The following ST7 variants were observed in gnomAD, a reference collection of about 807,000 sequenced individuals.
ST7 encodes the protein suppressor of tumorigenicity 7 protein.
A neutral mutation model predicts 78.7 loss-of-function variants in ST7; 28 were observed. The ratio of observed to expected loss-of-function variants is 0.36; its 90% confidence interval spans 0.26 to 0.49. The LOEUF is 0.49. Ranked by LOEUF, ST7 falls within the 20% of genes least tolerant of loss-of-function variation. ST7 has a pLI of 0.99. For synonymous variants in ST7, 247 were observed against 249.6 expected (o/e 0.99, Z 0.10); for missense variants, 418 against 696.0 (o/e 0.60, Z 4.49).
intron 1 of ST7, among the ~76,000 whole-genome samples, chr7:117,047,071 G>A (rs957752997): frequency 2.6e-5 from 4 of 152,134 alleles, no homozygotes; most frequent in African/African-American, 9.7e-5. Context: ...GTTAGTATTT[G>A]TACTACATGG....
chr7:117,189,483 G>C, intron 11 of ST7, 90 bp downstream of exon 11: 3 of 964,590 alleles, frequency 3.1e-6, no homozygotes, highest in Non-Finnish European at 4.5e-6. Context: ...TTTCTCTTAG[G>C]CTATGAGACC....
intron 13 of ST7, among the ~76,000 whole-genome samples, chr7:117,210,813 G>A (rs1734615865): frequency 6.6e-6 from 1 of 152,192 alleles, no homozygotes; most frequent in African/African-American, 2.4e-5. Flanking sequence ...GACAACAAGT[G>A]CATTGACATT....
intron 1 of ST7, among the ~76,000 whole-genome samples, chr7:116,993,215 G>T (rs188334088): frequency 6.6e-6 from 1 of 152,172 alleles, no homozygotes; most frequent in Admixed American, 6.5e-5. Context: ...ACAATGTACT[G>T]TATTAGTTTG....
At chr7:116,964,999 A>G (rs893103485) in intron 1 of ST7, among the ~76,000 whole-genome samples, 3 of 152,226 alleles carry the variant, frequency 2.0e-5, no homozygotes, top group Non-Finnish European at 2.9e-5. Flanking sequence ...ACATAACATC[A>G]ATTAAGTTAG....
intron 1 of ST7, among the ~76,000 whole-genome samples, chr7:117,097,906 A>ATTTTTTTTT (rs1353568782): frequency 2.3e-4 from 7 of 30,952 alleles, no homozygotes; most frequent in African/African-American, 9.5e-4. Flanking sequence ...ATATATATAT[A>ATTTTTTTTT]TATTTTTTTT....
chr7:117,100,849 A>G (rs1234351152), intron 2 of ST7, among the ~76,000 whole-genome samples: 4 of 152,190 alleles, frequency 2.6e-5, no homozygotes, highest in Non-Finnish European at 5.9e-5. Flanking sequence ...AAGGTTTTAG[A>G]AAAGCTTTTT....
At chr7:116,990,476 A>T (rs1562996573) in intron 1 of ST7, among the ~76,000 whole-genome samples, 2 of 152,170 alleles carry the variant, frequency 1.3e-5, no homozygotes, top group Non-Finnish European at 2.9e-5. Context: ...ACAACATTTT[A>T]AAAAATGTTA....
chr7:117,053,378 G>T (rs1293208743), intron 1 of ST7, among the ~76,000 whole-genome samples: 1 of 152,212 alleles, frequency 6.6e-6, no homozygotes, highest in Non-Finnish European at 1.5e-5. Flanking sequence ...GTTAAACACG[G>T]ACTACTCTTG....
intron 1 of ST7, among the ~76,000 whole-genome samples, chr7:117,092,467 A>G (rs190253914): frequency 7.9e-4 from 121 of 152,282 alleles, no homozygotes; most frequent in African/African-American, 2.8e-3. Flanking sequence ...TGAAATTAGC[A>G]GGAGTGTAAA....
chr7:116,992,932 C>G (rs141302327), intron 1 of ST7, among the ~76,000 whole-genome samples: 1 of 152,226 alleles, frequency 6.6e-6, no homozygotes, highest in Non-Finnish European at 1.5e-5. Context: ...CCGCCAGTCT[C>G]TTTGGTAAAA....
intron 3 of ST7, among the ~76,000 whole-genome samples, chr7:117,121,544 G>C (rs1281723837): frequency 6.6e-6 from 1 of 152,114 alleles, no homozygotes; most frequent in Non-Finnish European, 1.5e-5. Flanking sequence ...GGTTATTCTA[G>C]AGAGGAAGAA....
chr7:117,014,866 C>A (rs1795535625), intron 1 of ST7: 2 of 588,718 alleles, frequency 3.4e-6, no homozygotes, highest in Admixed American at 4.4e-5. Flanking sequence ...GAGAGATAAG[C>A]AGAAGTGTGG....
chr7:116,989,225 A>G (rs1170649817), intron 1 of ST7, among the ~76,000 whole-genome samples: 3 of 152,144 alleles, frequency 2.0e-5, no homozygotes, highest in Non-Finnish European at 2.9e-5. Flanking sequence ...TGTACTTTAC[A>G]TTTCTAGCAC....
intron 12 of ST7, among the ~76,000 whole-genome samples, chr7:117,205,755 A>G (rs959075012): frequency 1.1e-4 from 17 of 152,222 alleles, no homozygotes; most frequent in Admixed American, 4.6e-4. Context: ...GGAGGCTGAC[A>G]CAAATAGATT....
chr7:117,141,613 G>A (rs1805302538), intron 9 of ST7, among the ~76,000 whole-genome samples: 1 of 152,220 alleles, frequency 6.6e-6, no homozygotes. Flanking sequence ...GAATATTTTG[G>A]CAGTAAGCAG....
At chr7:117,084,392 A>G (rs1799989610) in intron 1 of ST7, among the ~76,000 whole-genome samples, 1 of 152,218 alleles carries the variant, frequency 6.6e-6, no homozygotes, top group South Asian at 2.1e-4. Context: ...AAGAAATCCA[A>G]CTGGAAATAC....
intron 1 of ST7, among the ~76,000 whole-genome samples, chr7:117,002,861 T>A (rs1795001063): frequency 7.5e-6 from 1 of 133,636 alleles, no homozygotes. Context: ...TTTGCTCTAG[T>A]TGCCCAGGCT....
intron 1 of ST7, chr7:117,074,050 T>C (rs1189739535): frequency 6.6e-6 from 1 of 152,212 alleles, no homozygotes; most frequent in Non-Finnish European, 1.5e-5. Context: ...TATATGTTTG[T>C]GCTCTAACAA....
rs1801448291 is a variant in ST7 at position 117,099,986 on chromosome 7, G to A, written c.234+142G>A. On this transcript the variant is annotated intron_variant, in intron 2 of 15. Transcript: ENST00000323984. ...GCACATGTATATATGTTGGGGAGTG[G>A]ACTCATAGAAGCCTTTTACTACCCC... is the stretch of plus-strand genomic sequence containing the variant. The A allele has an allele frequency of 7.7e-6, 4 of 518,840 alleles. No homozygotes were observed. In the South Asian group the frequency reaches 1.8e-4, roughly 24 times the overall value. 32.1% of individuals were successfully genotyped at this position (518,840 alleles called of 1,614,324 possible).
Sources: allele counts gnomAD v4.1 joint callset (sites outside exome capture counted in the v4.1 genomes callset), GRCh38; gene constraint gnomAD v4.1.1; transcripts MANE v1.5; gene names NCBI Gene and HGNC (gene_info 2026-07-23, HGNC 2026-07-21).